QTMAN: variants seen among roughly 807,000 people sequenced by gnomAD.
The protein encoded by QTMAN is queuosine-tRNA mannosyltransferase.
At chr2:144,153,206 T>C in the QTMAN span, among the ~76,000 whole-genome samples, 2 of 152,200 alleles carry the variant, frequency 1.3e-5, no homozygotes, top group African/African-American at 4.8e-5. Flanking sequence ...TTTCAGCAAT[T>C]TGGTGACTCA....
chr2:144,280,986 C>G, the QTMAN span, among the ~76,000 whole-genome samples: 1 of 151,216 alleles, frequency 6.6e-6, no homozygotes, highest in African/African-American at 2.4e-5. Flanking sequence ...TATACATGTG[C>G]CATGTTGATG....
the QTMAN span, among the ~76,000 whole-genome samples, chr2:144,045,986 C>T: frequency 7.2e-5 from 11 of 152,150 alleles, no homozygotes; most frequent in Non-Finnish European, 1.3e-4. Flanking sequence ...AAATCTGATG[C>T]TGCTATGAAC....
the QTMAN span, among the ~76,000 whole-genome samples, chr2:144,093,925 T>C: frequency 2.6e-5 from 4 of 152,216 alleles, no homozygotes; most frequent in Non-Finnish European, 5.9e-5. Flanking sequence ...TAGAATGCAA[T>C]GTAATTATCT....
chr2:144,292,922 C>T, the QTMAN span, among the ~76,000 whole-genome samples: 2 of 152,096 alleles, frequency 1.3e-5, no homozygotes, highest in African/African-American at 4.8e-5. Flanking sequence ...CAGAAACACT[C>T]AAACATAACA....
At chr2:144,272,747 G>A in the QTMAN span, among the ~76,000 whole-genome samples, 611 of 152,138 alleles carry the variant, frequency 4.0e-3, 4 homozygotes, top group African/African-American at 0.014. Context: ...GCATGCATGC[G>A]TGTGTGTATG....
At chr2:144,111,311 G>A in the QTMAN span, among the ~76,000 whole-genome samples, 1 of 152,258 alleles carries the variant, frequency 6.6e-6, no homozygotes, top group East Asian at 1.9e-4. Context: ...TTCTTCCCCT[G>A]TACCCTTATT....
chr2:144,220,164 T>C, the QTMAN span, among the ~76,000 whole-genome samples: 9 of 152,166 alleles, frequency 5.9e-5, no homozygotes, highest in Non-Finnish European at 1.0e-4. Flanking sequence ...ATAGATGTGG[T>C]AATGAGAGCT....
At chr2:144,009,382 G>A in the QTMAN span, among the ~76,000 whole-genome samples, 1 of 152,080 alleles carries the variant, frequency 6.6e-6, no homozygotes, top group Non-Finnish European at 1.5e-5. Context: ...GCGTTAAATA[G>A]GGCTGAAAGC....
At chr2:144,197,716 T>C in the QTMAN span, among the ~76,000 whole-genome samples, 1 of 152,178 alleles carries the variant, frequency 6.6e-6, no homozygotes. Flanking sequence ...GTTCCTTTCC[T>C]GCCTTCCATT....
chr2:144,254,535 G>A, the QTMAN span, among the ~76,000 whole-genome samples: 2 of 152,342 alleles, frequency 1.3e-5, no homozygotes, highest in African/African-American at 4.8e-5. Context: ...TGCTGCAGGG[G>A]TGGAGCACTC....
At chr2:144,260,355 A>G in the QTMAN span, among the ~76,000 whole-genome samples, 1 of 152,054 alleles carries the variant, frequency 6.6e-6, no homozygotes. Context: ...GGGTGTGGGT[A>G]TGCAGAAGAG....
the QTMAN span, among the ~76,000 whole-genome samples, chr2:144,017,225 G>A: frequency 2.0e-5 from 3 of 151,930 alleles, no homozygotes; most frequent in Non-Finnish European, 2.9e-5. Flanking sequence ...GGATGGTCTC[G>A]ATCTCTTGAC....
the QTMAN span, among the ~76,000 whole-genome samples, chr2:144,300,107 G>A: frequency 1.3e-5 from 2 of 152,202 alleles, no homozygotes; most frequent in South Asian, 4.1e-4. Context: ...CTGCCAGGTT[G>A]CCTGGGGAGT....
the QTMAN span, among the ~76,000 whole-genome samples, chr2:144,066,318 C>T: frequency 1.3e-5 from 2 of 152,270 alleles, no homozygotes; most frequent in East Asian, 3.9e-4. Flanking sequence ...AAAAACTTTG[C>T]TTCAACTAGT....
chr2:144,178,774 A>G, the QTMAN span: 2 of 332,938 alleles, frequency 6.0e-6, no homozygotes, highest in Non-Finnish European at 1.2e-5. Flanking sequence ...AGAGATTTAG[A>G]GAAAGTAAAA....
At chr2:144,239,306 A>C in the QTMAN span, among the ~76,000 whole-genome samples, 3 of 152,240 alleles carry the variant, frequency 2.0e-5, no homozygotes, top group South Asian at 6.2e-4. Context: ...GCTACAAAAC[A>C]AGTGTATAAC....
the QTMAN span, among the ~76,000 whole-genome samples, chr2:144,110,677 C>T: frequency 3.1e-3 from 410 of 131,088 alleles, 7 homozygotes; most frequent in Middle Eastern, 0.03. Context: ...AGAGAAAAAT[C>T]GACCCCCCCC....
the QTMAN span, among the ~76,000 whole-genome samples, chr2:144,277,525 A>C: frequency 1.3e-5 from 2 of 152,222 alleles, no homozygotes; most frequent in African/African-American, 2.4e-5. Context: ...CCCTAATGCA[A>C]AACTGTGAAG....
At chr2:144,051,830 G>A in the QTMAN span, among the ~76,000 whole-genome samples, 1 of 152,146 alleles carries the variant, frequency 6.6e-6, no homozygotes, top group Non-Finnish European at 1.5e-5. Flanking sequence ...AAGGCGGAGG[G>A]GCAGTCTAGA....
Sources: gnomAD v4.1 joint callset for allele counts (sites outside exome capture counted in the v4.1 genomes callset) on GRCh38, gnomAD v4.1.1 for gene constraint, MANE v1.5 for transcripts, NCBI Gene and HGNC (gene_info 2026-07-23, HGNC 2026-07-21) for gene names.